Variants in NLK observed in about 807,000 individuals in gnomAD.
NLK encodes nemo like kinase.
NLK carries 11 observed loss-of-function variants against 59.0 expected under a neutral mutation model. The ratio of observed to expected loss-of-function variants is 0.19; its 90% confidence interval spans 0.12 to 0.31. The LOEUF (loss-of-function observed/expected upper bound fraction) is 0.31, where lower values mean the gene tolerates loss of function less well. Among genes scored for constraint, NLK ranks in the 10% least tolerant of loss-of-function variants. The probability of loss-of-function intolerance (pLI) is 1.00; values close to 1 mark genes in which losing one functional copy is unlikely to be tolerated. For missense variants in NLK, 410 were observed against 661.1 expected (o/e 0.62, Z 4.16); for synonymous variants, 235 against 235.9 (o/e 1.00, Z 0.03).
intron 1 of NLK, among the ~76,000 whole-genome samples, chr17:28,054,386 A>G (rs1166139983): frequency 6.6e-6 from 1 of 152,244 alleles, no homozygotes; most frequent in East Asian, 1.9e-4. Context: ...TAATTATAAC[A>G]CTGTTTAAAA....
At chr17:28,079,739 T>G (rs1264810830) in intron 1 of NLK, among the ~76,000 whole-genome samples, 1 of 152,218 alleles carries the variant, frequency 6.6e-6, no homozygotes, top group Non-Finnish European at 1.5e-5. Flanking sequence ...AGTAAACATA[T>G]ATGATTTGCA....
rs150999194 is a variant in NLK at position 28,168,574 on chromosome 17, A to G, written c.964A>G (p.Ile322Val). The change falls in exon 6 of 11, where the codon ATT (isoleucine) becomes GTT (valine). Residue 322 changes from isoleucine to valine, a missense_variant. This residue lies in a region of NLK where 150 missense variants were observed against 244.3 expected (regional missense o/e 0.61). Coordinates refer to ENST00000407008, the MANE Select transcript of NLK (RefSeq NM_016231.5). Reference protein sequence around the residue: ...LMGSRHYSNAIDIWSVGCIFA... With the variant: ...LMGSRHYSNAVDIWSVGCIFA... ...GGGCAGCCGTCATTACAGCAATGCT[A>G]TTGACATCTGGTCTGTGGGATGTAT... The G allele has an allele frequency of 1.3e-5, 21 of 1,613,784 alleles. No homozygotes were observed. The highest frequency in any genetic ancestry group is 1.5e-5 in the Non-Finnish European group (18 of 1,179,832).
chr17:28,106,637 C>T (rs1328009621), intron 1 of NLK, among the ~76,000 whole-genome samples: 3 of 152,174 alleles, frequency 2.0e-5, no homozygotes, highest in Non-Finnish European at 4.4e-5. Flanking sequence ...GATTTGAATA[C>T]ACACCATTTC....
intron 6 of NLK, among the ~76,000 whole-genome samples, chr17:28,172,084 A>G (rs1375517589): frequency 2.0e-5 from 3 of 151,306 alleles, no homozygotes; most frequent in Non-Finnish European, 2.9e-5. Flanking sequence ...TAGGATAGAT[A>G]GGAACTTTTA....
At chr17:28,137,422 C>T (rs144924660) in intron 3 of NLK, among the ~76,000 whole-genome samples, 1,596 of 152,056 alleles carry the variant, frequency 0.01, 7 homozygotes, top group Non-Finnish European at 0.017. Context: ...AAGTAATTAT[C>T]CACTGTACAT....
In NLK at chr17:28,043,002, GCACCAC is replaced by G. The variant is rs757128638; in HGVS notation, c.140_145del (p.His47_His48del). 1.3e-6 allele frequency: 2 copies of G among 1,556,206 alleles called. No homozygotes were observed. The highest frequency in any genetic ancestry group is 1.9e-5 in the Admixed American group (1 of 51,306). The stretch of plus-strand genomic sequence containing the variant: ...TTCCACACCTCCCTCCTCCTCACCT[GCACCAC>G]CACCACCACCCTCAACACCATCTTC... On this transcript the variant is annotated inframe_deletion, in exon 1 of 11. Coordinates refer to ENST00000407008, the MANE Select transcript of NLK (RefSeq NM_016231.5).
rs574286019 is a variant in NLK, at chr17:28,042,837, C to T, written c.-37C>T. The stretch of plus-strand genomic sequence containing the variant: ...TTTAAATGGCCAAATGACAGCTTGA[C>T]CCAGTTTGCTTTCCAATCAAAGGGC... On this transcript the variant is annotated 5_prime_UTR_variant, in exon 1 of 11. Coordinates refer to ENST00000407008, the MANE Select transcript of NLK (RefSeq NM_016231.5). 6.8e-7 allele frequency: 1 copy of T among 1,461,872 alleles called. No individual in the cohort carries two copies. Among genetic ancestry groups the T allele is most frequent in the South Asian group, 1.4e-5 (1 of 70,154 alleles). 90.6% of individuals were successfully genotyped at this position (1,461,872 alleles called of 1,614,324 possible).
chr17:28,062,083 C>T (rs1909680987), intron 1 of NLK: 1 of 151,414 alleles, frequency 6.6e-6, no homozygotes, highest in African/African-American at 2.4e-5. Context: ...ATGCCATGTA[C>T]TTTAGTGGGG....
intron 3 of NLK, among the ~76,000 whole-genome samples, chr17:28,158,508 T>A (rs1907875500): frequency 6.6e-6 from 1 of 152,232 alleles, no homozygotes; most frequent in African/African-American, 2.4e-5. Context: ...TTCTTTAATA[T>A]AAATTAACCC....
At chr17:28,143,348 GA>G (rs1247571110) in intron 3 of NLK, among the ~76,000 whole-genome samples, 5 of 151,906 alleles carry the variant, frequency 3.3e-5, no homozygotes, top group African/African-American at 9.7e-5. Flanking sequence ...AGCCAAAGAT[GA>G]AAACTTTTAA....
At chr17:28,156,147 A>C (rs182599500) in intron 3 of NLK, among the ~76,000 whole-genome samples, 1 of 152,066 alleles carries the variant, frequency 6.6e-6, no homozygotes, top group East Asian at 1.9e-4. Flanking sequence ...ATATGCAAAA[A>C]TATATACAAA....
At chr17:28,064,010 A>G (rs898760130) in intron 1 of NLK, among the ~76,000 whole-genome samples, 2 of 152,274 alleles carry the variant, frequency 1.3e-5, no homozygotes, top group African/African-American at 2.4e-5. Context: ...AAAATAATCT[A>G]CTGAACATAA....
intron 1 of NLK, among the ~76,000 whole-genome samples, chr17:28,081,278 C>T (rs1233882429): frequency 1.3e-5 from 2 of 151,980 alleles, no homozygotes; most frequent in African/African-American, 2.4e-5. Flanking sequence ...TCACAGCTCA[C>T]TTCAGCCTTG....
At chr17:28,206,003 T>C in the NLK span, among the ~76,000 whole-genome samples, 3 of 152,244 alleles carry the variant, frequency 2.0e-5, no homozygotes. Flanking sequence ...TAGTCATTTC[T>C]GTATGTATAT....
At chr17:28,081,624 T>A (rs1910349789) in intron 1 of NLK, among the ~76,000 whole-genome samples, 1 of 152,200 alleles carries the variant, frequency 6.6e-6, no homozygotes, top group Non-Finnish European at 1.5e-5. Context: ...TTGAGCTTTA[T>A]TACCTGAAGC....
In NLK at chr17:28,042,973, C is replaced by T; in HGVS notation, c.100C>T (p.His34Tyr). Residue 34 changes from histidine (H) to tyrosine (Y), a missense_variant, in exon 1 of 11, where the codon CAC (histidine) becomes TAC (tyrosine). Physicochemically the swap from His to Tyr is moderately conservative, Grantham distance 83 (BLOSUM62 2). This residue lies in a region of NLK where 160 missense variants were observed against 171.0 expected (regional missense o/e 0.94). Coordinates refer to ENST00000407008, the MANE Select transcript of NLK (RefSeq NM_016231.5). Reference protein sequence around the residue: ...AAGHHHHHHHHLPHLPPPHLH... With the variant: ...AAGHHHHHHHYLPHLPPPHLH... ...AGGTCACCACCACCACCATCACCAC[C>T]ACCTTCCACACCTCCCTCCTCCTCA... The T allele has an allele frequency of 6.4e-7, 1 of 1,556,648 alleles. No individual in the cohort carries two copies. The highest frequency in any genetic ancestry group is 8.7e-7 in the Non-Finnish European group (1 of 1,149,608).
intron 8 of NLK, among the ~76,000 whole-genome samples, chr17:28,189,699 A>G (rs887438784): frequency 2.0e-5 from 3 of 152,246 alleles, no homozygotes; most frequent in Non-Finnish European, 2.9e-5. Flanking sequence ...ACACTATCCC[A>G]GTGGAATCTC....
rs1195220688 is a variant in NLK at position 28,096,782 on chromosome 17, C to T, written c.459-25821C>T. ...TAAATAAGTCCCTAATAAAAATCTA[C>T]TGTTACAAATCACTGGTGTCAGAGA... On this transcript the variant is annotated intron_variant, in intron 1 of 10. Transcript: ENST00000407008. Among the ~76,000 whole-genome samples the T allele has an allele frequency of 2.0e-5, 3 of 152,302 alleles. No individual in the cohort carries two copies. In the East Asian group the frequency reaches 5.8e-4, roughly 29 times the overall value.
chr17:28,169,235 C>A (rs1666908540), intron 6 of NLK, among the ~76,000 whole-genome samples: 1 of 152,196 alleles, frequency 6.6e-6, no homozygotes. Context: ...TCTGCTATGA[C>A]AATTTGCACA....
Sources: gnomAD v4.1 joint callset for allele counts (sites outside exome capture counted in the v4.1 genomes callset) on GRCh38, gnomAD v4.1.1 for gene constraint, gnomAD v4.1.1 regional missense constraint, MANE v1.5 for transcripts, NCBI Gene and HGNC (gene_info 2026-07-23, HGNC 2026-07-21) for gene names.